PCYT1A: variants seen among roughly 807,000 people sequenced by gnomAD.
The protein encoded by PCYT1A is choline-phosphate cytidylyltransferase A.
Under a neutral mutation model 43.7 loss-of-function variants are expected in PCYT1A, and 25 were observed. That is an observed-to-expected ratio of 0.57 (90% CI 0.42 to 0.80). The LOEUF is 0.80. Ranked by LOEUF, PCYT1A falls within the 30% of genes least tolerant of loss-of-function variation. The pLI, the probability that PCYT1A is intolerant of heterozygous loss-of-function variation, is 0.00. For synonymous variants in PCYT1A, 172 were observed against 170.7 expected (o/e 1.01, Z -0.06); for missense variants, 421 against 474.2 (o/e 0.89, Z 1.04).
At chr3:196,270,285 C>T in intron 2 of PCYT1A, 130 bp downstream of exon 2, 1 of 711,462 alleles carries the variant, frequency 1.4e-6, no homozygotes, top group Non-Finnish European at 2.5e-6. Context: ...AAAAAGGCAG[C>T]AGATTTCCAG....
At position 196,287,711 on chromosome 3, in the gene PCYT1A, G is replaced by C. The variant is rs956883534; in HGVS notation, c.-107C>G. 5.3e-5 allele frequency: 8 copies of C among 152,160 alleles called. No homozygotes were observed. The highest frequency in any genetic ancestry group is 1.0e-4 in the Non-Finnish European group (7 of 68,080). The allele number at this position is 152,160 out of a possible 1,614,324, so 9.4% of individuals were successfully genotyped here. A position where few individuals can be genotyped will look rare whatever the true frequency, so the allele number is the denominator to read the frequency against. ...TTGAGGAGGTTGCGGGGAGACGCCCGGGGAAGGCAGCTGATGGAAGAGCCA... is the reference window on the plus strand; with the variant it reads ...TTGAGGAGGTTGCGGGGAGACGCCCCGGGAAGGCAGCTGATGGAAGAGCCA... On this transcript the variant is annotated 5_prime_UTR_variant, in exon 1 of 9. Coordinates refer to ENST00000431016, the MANE Select transcript of PCYT1A (RefSeq NM_001312673.2).
chr3:196,281,615 C>T (rs1011570510), intron 1 of PCYT1A, among the ~76,000 whole-genome samples: 4 of 152,112 alleles, frequency 2.6e-5, no homozygotes, highest in Admixed American at 6.6e-5. Context: ...CAATCTGGCC[C>T]GTTACTGAAA....
rs1038828332 is a variant in PCYT1A, at chr3:196,234,850, C to T, written c.*3838G>A. 2.6e-5 allele frequency: 4 copies of T among 152,116 alleles called. No homozygotes were observed. The highest frequency in any genetic ancestry group is 1.9e-4 in the East Asian group (1 of 5,202). 9.4% of individuals were successfully genotyped at this position (152,116 alleles called of 1,614,324 possible). A position where few individuals can be genotyped will look rare whatever the true frequency, so the allele number is the denominator to read the frequency against. The stretch of plus-strand genomic sequence containing the variant: ...TAGAAGCTAGGGACCACTCTTTATC[C>T]GATGGCAGTCTATTCTATGAGAGAA... On this transcript the variant is annotated 3_prime_UTR_variant, in exon 9 of 9. Coordinates refer to ENST00000431016, the MANE Select transcript of PCYT1A (RefSeq NM_001312673.2).
intron 1 of PCYT1A, among the ~76,000 whole-genome samples, chr3:196,280,410 C>T (rs1040066051): frequency 2.0e-5 from 3 of 152,104 alleles, no homozygotes; most frequent in Middle Eastern, 3.2e-3. Flanking sequence ...ATATATAAAA[C>T]GGTGTCGAAT....
intron 5 of PCYT1A, among the ~76,000 whole-genome samples, chr3:196,245,900 G>A (rs982337865): frequency 1.1e-4 from 16 of 149,882 alleles, no homozygotes; most frequent in Non-Finnish European, 1.6e-4. Flanking sequence ...GCGGTGATCC[G>A]AGATCACGCC....
At chr3:196,265,256 C>G (rs1033147714) in intron 2 of PCYT1A, among the ~76,000 whole-genome samples, 5 of 151,628 alleles carry the variant, frequency 3.3e-5, no homozygotes, top group African/African-American at 4.8e-5. Context: ...TTAGTAGAAA[C>G]GGGGTTTCGC....
At position 196,277,382 on chromosome 3, in the gene PCYT1A, G is replaced by T. The variant is rs1252180811; in HGVS notation, c.-10-6841C>A. 6.6e-6 allele frequency among the ~76,000 whole-genome samples: 1 copy of T among 152,062 alleles called. No individual in the cohort carries two copies. Among genetic ancestry groups the T allele is most frequent in the African/African-American group, 2.4e-5 (1 of 41,396 alleles). On this transcript the variant is annotated intron_variant, in intron 1 of 8. Coordinates refer to ENST00000431016, the MANE Select transcript of PCYT1A (RefSeq NM_001312673.2). The surrounding 1 kb of genome is among the most constrained non-coding windows in gnomAD (Gnocchi z 4.1). ...ACTGTTCTTTAAACTGAAGTCTTTA[G>T]ATCCTTCGGATTTAAAATAAAACAC...
intron 3 of PCYT1A, among the ~76,000 whole-genome samples, chr3:196,249,156 T>A (rs1724669039): frequency 6.6e-6 from 1 of 150,882 alleles, no homozygotes. Flanking sequence ...ACCTTTTCAT[T>A]TTTTTTTTGA....
At position 196,252,881 on chromosome 3, in the gene PCYT1A, T is replaced by A. The variant is rs1234173976; in HGVS notation, c.218-4558A>T. Among the ~76,000 whole-genome samples the A allele has an allele frequency of 6.6e-6, 1 of 151,646 alleles. No individual in the cohort carries two copies. The highest frequency in any genetic ancestry group is 6.6e-5 in the Admixed American group (1 of 15,130). ...TATCTCTATTAAAATTATTTTTTAC[T>A]GCCAGCATGTGTCAACTAAAAAAAA... is the stretch of plus-strand genomic sequence containing the variant. On this transcript the variant is annotated intron_variant, in intron 3 of 8. Transcript: ENST00000431016. The surrounding 1 kb of genome is among the most constrained non-coding windows in gnomAD (Gnocchi z 4.0).
chr3:196,247,254 C>A lies in PCYT1A; in HGVS notation c.486+113G>T. On this transcript the variant is annotated intron_variant, in intron 5 of 8. Coordinates refer to ENST00000431016, the MANE Select transcript of PCYT1A (RefSeq NM_001312673.2). This position sits in a 1 kb window ranked among gnomAD's most constrained non-coding sequence, Gnocchi z 4.8. ...TCACTGTCATCTCCTACGAAACTTA[C>A]ATAAGAGGTAGAAGTAAAACACGGC... The A allele has an allele frequency of 9.3e-7, 1 of 1,070,800 alleles. No homozygotes were observed. 66.3% of individuals were successfully genotyped at this position (1,070,800 alleles called of 1,614,324 possible).
chr3:196,238,717 AG>A lies in PCYT1A; in HGVS notation c.1074del (p.Tyr359MetfsTer138). On this transcript the variant is annotated frameshift_variant, in exon 9 of 9. Transcript: ENST00000431016. LOFTEE classifies it high-confidence loss of function. ...TCTTCTTCATCCTCACTGATATCAT[AG>A]GCTGCAGCCTTGTGCCTGGAGAGAT... ...PANLSRHKAA[A>X]YDISEDEED 6.3e-7 allele frequency: 1 copy of A among 1,579,170 alleles called. No individual in the cohort carries two copies. Among genetic ancestry groups the A allele is most frequent in the Non-Finnish European group, 8.6e-7 (1 of 1,164,000 alleles).
Position 196,252,453 on chromosome 3 carries a change from C to A in PCYT1A, c.218-4130G>T, listed in dbSNP as rs1308295310. 1.3e-5 allele frequency among the ~76,000 whole-genome samples: 2 copies of A among 152,276 alleles called. No individual in the cohort carries two copies. Among genetic ancestry groups the A allele is most frequent in the East Asian group, 3.9e-4 (2 of 5,182 alleles). The stretch of plus-strand genomic sequence containing the variant: ...ATATTCGTATCCCATGTTGGCCAGG[C>A]TGGTCTCAATTTCCTGACCTCAAGT... On this transcript the variant is annotated intron_variant, in intron 3 of 8. Transcript: ENST00000431016. This position sits in a 1 kb window ranked among gnomAD's most constrained non-coding sequence, Gnocchi z 4.0.
Position 196,237,653 on chromosome 3 carries a change from G to A in PCYT1A, c.*1035C>T, listed in dbSNP as rs1177673794. ...TCCTATGCTTTTGCCTTTACATTCT[G>A]TGCAAATCTCTCTAATATGGCTATG... is the stretch of plus-strand genomic sequence containing the variant. On this transcript the variant is annotated 3_prime_UTR_variant, in exon 9 of 9. Coordinates refer to ENST00000431016, the MANE Select transcript of PCYT1A (RefSeq NM_001312673.2). 6.6e-6 allele frequency: 1 copy of A among 152,190 alleles called. No homozygotes were observed. The highest frequency in any genetic ancestry group is 1.5e-5 in the Non-Finnish European group (1 of 68,024). The allele number at this position is 152,190 out of a possible 1,614,324, so 9.4% of individuals were successfully genotyped here. A position where few individuals can be genotyped will look rare whatever the true frequency, so the allele number is the denominator to read the frequency against.
At chr3:196,253,336 C>CAAAAAAAAGA in intron 3 of PCYT1A, among the ~76,000 whole-genome samples, 1 of 105,972 alleles carries the variant, frequency 9.4e-6, no homozygotes, top group Non-Finnish European at 1.9e-5. Flanking sequence ...GACTCTGTCT[C>CAAAAAAAAGA]AAAAAAAAAA....
rs772074145 is a variant in PCYT1A at position 196,277,810 on chromosome 3, G to T, written c.-10-7269C>A. Among the ~76,000 whole-genome samples the T allele has an allele frequency of 6.6e-6, 1 of 152,216 alleles. No homozygotes were observed. ...CACTTGATCCCTGGAGGTGGAGGTT[G>T]CAGTGAGCCTAAATCGCACGCCACT... On this transcript the variant is annotated intron_variant, in intron 1 of 8. Coordinates refer to ENST00000431016, the MANE Select transcript of PCYT1A (RefSeq NM_001312673.2). This position sits in a 1 kb window ranked among gnomAD's most constrained non-coding sequence, Gnocchi z 4.1.
intron 1 of PCYT1A, chr3:196,287,104 G>A (rs1275649015): frequency 6.6e-6 from 1 of 152,188 alleles, no homozygotes; most frequent in Non-Finnish European, 1.5e-5. Flanking sequence ...TTCCAGACCA[G>A]TGTTCTTTCC....
In PCYT1A at chr3:196,281,163, G is replaced by A. The variant is rs1725761641; in HGVS notation, c.-11+6452C>T. ...CGCAAGCAGACTTTACATTTGGGATGTTTCTCTGCTTCTACCGTGGTGGTG... is the reference window on the plus strand; with the variant it reads ...CGCAAGCAGACTTTACATTTGGGATATTTCTCTGCTTCTACCGTGGTGGTG... On this transcript the variant is annotated intron_variant, in intron 1 of 8. Coordinates refer to ENST00000431016, the MANE Select transcript of PCYT1A (RefSeq NM_001312673.2). 2.6e-5 allele frequency among the ~76,000 whole-genome samples: 4 copies of A among 152,212 alleles called. No individual in the cohort carries two copies. The South Asian group carries it at 8.3e-4, about 31-fold the overall frequency.
At chr3:196,264,574 C>T (rs1560172587) in intron 2 of PCYT1A, among the ~76,000 whole-genome samples, 1 of 152,160 alleles carries the variant, frequency 6.6e-6, no homozygotes, top group Non-Finnish European at 1.5e-5. Flanking sequence ...AAACCACTGC[C>T]CCTACCTCTT....
intron 1 of PCYT1A, among the ~76,000 whole-genome samples, chr3:196,274,592 A>G (rs1725535415): frequency 6.6e-6 from 1 of 152,242 alleles, no homozygotes; most frequent in African/African-American, 2.4e-5. Context: ...CGGTTCAGAG[A>G]AAAATCTTCA....
Sources: gnomAD v4.1 joint callset for allele counts (sites outside exome capture counted in the v4.1 genomes callset) on GRCh38, gnomAD v4.1.1 for gene constraint, Gnocchi (gnomAD v3.1) non-coding constraint, MANE v1.5 for transcripts, NCBI Gene and HGNC (gene_info 2026-07-23, HGNC 2026-07-21) for gene names.